Variants in CSMD2 observed in about 807,000 individuals in gnomAD.
CSMD2 encodes the protein CUB and Sushi multiple domains 2.
A neutral mutation model predicts 398.5 loss-of-function variants in CSMD2; 130 were observed. The ratio of observed to expected loss-of-function variants is 0.33; its 90% CI spans 0.28 to 0.38. The LOEUF (loss-of-function observed/expected upper bound fraction) is 0.38, where lower values mean the gene tolerates loss of function less well. CSMD2 is among the 10% of genes least tolerant of loss of function. CSMD2 has a pLI of 1.00. For synonymous variants in CSMD2, 1,828 were observed against 1,908.5 expected (o/e 0.96, Z 1.10); for missense variants, 3,829 against 4,764.9 (o/e 0.80, Z 5.78).
chr1:33,960,770 A>G (rs1222835795), intron 3 of CSMD2, among the ~76,000 whole-genome samples: 1 of 152,212 alleles, frequency 6.6e-6, no homozygotes, highest in African/African-American at 2.4e-5. Flanking sequence ...TTTGCATTTC[A>G]GTCTCAGTAC....
chr1:34,103,301 TTTTTTTTTTC>T (rs1020572306), intron 1 of CSMD2, among the ~76,000 whole-genome samples: 4 of 126,094 alleles, frequency 3.2e-5, no homozygotes, highest in African/African-American at 1.2e-4. Context: ...TTTTTTTTTT[TTTTTTTTTTC>T]TTTCTGAGCC....
At chr1:33,712,880 C>T (rs1008735340) in intron 21 of CSMD2, among the ~76,000 whole-genome samples, 10 of 152,082 alleles carry the variant, frequency 6.6e-5, no homozygotes, top group South Asian at 2.1e-4. Flanking sequence ...TTATAGGAGA[C>T]GGAGTAAACC....
intron 3 of CSMD2, among the ~76,000 whole-genome samples, chr1:33,978,199 C>T (rs1646038533): frequency 6.6e-6 from 1 of 152,190 alleles, no homozygotes. Context: ...CACAGGAAGT[C>T]TGACTCCAGA....
intron 1 of CSMD2, among the ~76,000 whole-genome samples, chr1:34,161,699 G>C (rs565929402): frequency 6.6e-6 from 1 of 152,180 alleles, no homozygotes; most frequent in African/African-American, 2.4e-5. Flanking sequence ...GACAGAGGTT[G>C]AAGTAAGGAG....
intron 53 of CSMD2, among the ~76,000 whole-genome samples, chr1:33,565,611 C>T (rs61799671): frequency 0.12 from 17,839 of 152,014 alleles, 1,327 homozygotes; most frequent in East Asian, 0.24. Context: ...TAGAAGACAT[C>T]AACCTAAATG....
chr1:33,678,905 G>T (rs1002955732), intron 25 of CSMD2, among the ~76,000 whole-genome samples: 1 of 152,130 alleles, frequency 6.6e-6, no homozygotes, highest in Non-Finnish European at 1.5e-5. Flanking sequence ...TGGGCTTCAG[G>T]TCACTGAAAA....
rs756848901 is a variant in CSMD2 at position 33,537,593 on chromosome 1, A to T, written c.9648T>A (p.Asp3216Glu). 5 of 1,613,700 alleles carry T rather than the reference A, an allele frequency of 3.1e-6. No homozygotes were observed. The highest frequency in any genetic ancestry group is 4.2e-6 in the Non-Finnish European group (5 of 1,179,776). The change falls in exon 61 of 71, where the codon GAT (aspartate) becomes GAA (glutamate). Residue 3216 changes from aspartate to glutamate, a missense_variant. Physicochemically the swap from Asp to Glu is conservative, Grantham distance 45. Around this residue, in one of 5 missense-constraint regions of CSMD2, gnomAD observed 917 missense variants for 1,199.5 expected, o/e 0.76. Coordinates refer to ENST00000373381, the MANE Select transcript of CSMD2 (RefSeq NM_001281956.2). This position sits in a 1 kb window ranked among gnomAD's most constrained non-coding sequence, Gnocchi z 4.6. ...TCCTCCCACGGGACGGGACACCAGG[A>T]TCCCCGCAGAACACAGCTGGGAAGA... ...LPQCFPVFCG[D>E]PGVPSRGRRE... is the part of the protein sequence containing the mutation.
chr1:33,541,416 G>A (rs1401300153), intron 58 of CSMD2, 107 bp from the exon 59 acceptor site: 1 of 829,404 alleles, frequency 1.2e-6, no homozygotes, highest in East Asian at 2.5e-5. Context: ...GAAACTGTCA[G>A]ATCAGGGATG....
At chr1:33,760,510 AG>A (rs1649689951) in intron 13 of CSMD2, among the ~76,000 whole-genome samples, 1 of 152,206 alleles carries the variant, frequency 6.6e-6, no homozygotes, top group African/African-American at 2.4e-5. Context: ...ACCATGCCAA[AG>A]TTGGAGCAAA....
intron 28 of CSMD2, among the ~76,000 whole-genome samples, chr1:33,649,338 T>C (rs1399642978): frequency 2.0e-5 from 3 of 152,174 alleles, no homozygotes; most frequent in Non-Finnish European, 4.4e-5. Flanking sequence ...ACAAAACCAA[T>C]TGTTTATTTC....
At chr1:33,662,738 T>G in intron 26 of CSMD2, 152 bp downstream of exon 26, 1 of 780,266 alleles carries the variant, frequency 1.3e-6, no homozygotes, top group Non-Finnish European at 2.2e-6. Context: ...CACAGACATT[T>G]GAACAGGTGC....
chr1:33,690,047 A>G (rs1480221773), intron 25 of CSMD2, among the ~76,000 whole-genome samples: 1 of 152,086 alleles, frequency 6.6e-6, no homozygotes, highest in Non-Finnish European at 1.5e-5. Flanking sequence ...CTCTGGAGGC[A>G]GCTTCCTCAC....
At chr1:33,574,267 C>A (rs1659867611) in intron 49 of CSMD2, among the ~76,000 whole-genome samples, 2 of 152,100 alleles carry the variant, frequency 1.3e-5, no homozygotes, top group Non-Finnish European at 2.9e-5. Flanking sequence ...CTCAAAGGGA[C>A]AACTCAGGAG....
chr1:33,961,298 C>T (rs1378488143), intron 3 of CSMD2, among the ~76,000 whole-genome samples: 1 of 152,238 alleles, frequency 6.6e-6, no homozygotes, highest in Non-Finnish European at 1.5e-5. Flanking sequence ...ATCCCAAACC[C>T]CACCTCTTTC....
chr1:33,938,735 T>C (rs1644566101), intron 3 of CSMD2, among the ~76,000 whole-genome samples: 2 of 151,260 alleles, frequency 1.3e-5, no homozygotes, highest in African/African-American at 2.4e-5. Flanking sequence ...GCATTTCCTA[T>C]GATCCCACAC....
At chr1:33,892,466 A>ACC (rs1642091358) in intron 5 of CSMD2, among the ~76,000 whole-genome samples, 1 of 151,710 alleles carries the variant, frequency 6.6e-6, no homozygotes, top group Non-Finnish European at 1.5e-5. Context: ...TTACCCCTCA[A>ACC]CCCCCTCTCA....
intron 10 of CSMD2, chr1:33,804,938 C>T (rs548834340): frequency 5.6e-6 from 4 of 715,766 alleles, no homozygotes; most frequent in Non-Finnish European, 1.0e-5. Flanking sequence ...TTCTGGGCTC[C>T]CTCAGCACTA....
chr1:33,561,675 G>A (rs957310551), intron 53 of CSMD2, among the ~76,000 whole-genome samples: 20 of 152,190 alleles, frequency 1.3e-4, no homozygotes, highest in African/African-American at 3.9e-4. Context: ...GCAGTGGACC[G>A]TGGCTTTTAC....
rs879589888 is a variant in CSMD2, at chr1:33,660,327, CT to C, written c.4256-2191del. ...GGCTGTGATTATGCTTCCCGCTCAC[CT>C]TTTTTTTTGTTCTCACTTTCTCTCT... On this transcript the variant is annotated intron_variant, in intron 26 of 70. Transcript: ENST00000373381. Among the ~76,000 whole-genome samples the C allele has an allele frequency of 2.2e-4, 33 of 151,426 alleles. 1 individual carries two copies. The highest frequency in any genetic ancestry group is 1.9e-3 in the South Asian group (9 of 4,746).
Sources: allele counts gnomAD v4.1 joint callset (sites outside exome capture counted in the v4.1 genomes callset), GRCh38; gene constraint gnomAD v4.1.1; regional missense constraint gnomAD v4.1.1; non-coding constraint Gnocchi (gnomAD v3.1); transcripts MANE v1.5; gene names NCBI Gene and HGNC (gene_info 2026-07-23, HGNC 2026-07-21).